Variants in CD58 observed in about 807,000 individuals in gnomAD.
CD58 encodes the protein CD58 molecule, also known as lymphocyte function-associated antigen 3.
A neutral mutation model predicts 27.6 loss-of-function variants in CD58; 14 were observed. The observed-to-expected ratio is 0.51, with a 90% CI of 0.34 to 0.79. CD58 has a LOEUF of 0.79. Ranked by LOEUF, CD58 falls within the 30% of genes least tolerant of loss-of-function variation. CD58 has a pLI of 0.02. For missense variants in CD58, 268 were observed against 301.7 expected (o/e 0.89, Z 0.83); for synonymous variants, 117 against 103.8 (o/e 1.13, Z -0.77).
intron 1 of CD58, among the ~76,000 whole-genome samples, chr1:116,551,046 G>A (rs1320197233): frequency 1.3e-5 from 2 of 152,140 alleles, no homozygotes; most frequent in African/African-American, 2.4e-5. Context: ...CATCCAGCCT[G>A]TTGTTCCATT....
chr1:116,539,669 C>T (rs945717196), intron 2 of CD58, among the ~76,000 whole-genome samples: 1 of 152,200 alleles, frequency 6.6e-6, no homozygotes, highest in African/African-American at 2.4e-5. Context: ...TGCCAGATGG[C>T]AAAGGTAGAA....
At chr1:116,520,150 A>C (rs151151010) in intron 4 of CD58, among the ~76,000 whole-genome samples, 1 of 152,282 alleles carries the variant, frequency 6.6e-6, no homozygotes, top group East Asian at 1.9e-4. Flanking sequence ...TTTTTGAGAC[A>C]GGGTCTCACT....
At position 116,550,226 on chromosome 1, in the gene CD58, A is replaced by G. The variant is rs1429445713; in HGVS notation, c.71-5622T>C. Among the ~76,000 whole-genome samples, 2 of 152,330 alleles carry G rather than the reference A, an allele frequency of 1.3e-5. No individual in the cohort carries two copies. Among genetic ancestry groups the G allele is most frequent in the East Asian group, 3.9e-4 (2 of 5,190 alleles). On this transcript the variant is annotated intron_variant, in intron 1 of 5. Transcript: ENST00000369489. This position sits in a 1 kb window ranked among gnomAD's most constrained non-coding sequence, Gnocchi z 4.2. ...ATCAATGGACCCTTCCTTTCACAAA[A>G]TATTTCTCAGAGGCATCCAATGCTG...
At chr1:116,555,589 G>T (rs1557842858) in intron 1 of CD58, among the ~76,000 whole-genome samples, 1 of 152,092 alleles carries the variant, frequency 6.6e-6, no homozygotes, top group Admixed American at 6.5e-5. Flanking sequence ...AGATATGAGG[G>T]TACCTAATAC....
Position 116,521,658 on chromosome 1 carries a change from C to A in CD58, c.706+248G>T. The A allele has an allele frequency of 2.9e-6, 1 of 346,946 alleles. No individual in the cohort carries two copies. The allele number at this position is 346,946 out of a possible 1,614,324, so 21.5% of individuals were successfully genotyped here. A position where few individuals can be genotyped will look rare whatever the true frequency, so the allele number is the denominator to read the frequency against. On this transcript the variant is annotated intron_variant, in intron 4 of 5. Transcript: ENST00000369489. This position sits in a 1 kb window ranked among gnomAD's most constrained non-coding sequence, Gnocchi z 5.6. Reference sequence around the variant, plus strand: ...TCACAGGTAAAAGGAGGCTATGCAACAGGTCCAGGCTGTGTTCCCAGGCCT... The same window carrying A: ...TCACAGGTAAAAGGAGGCTATGCAAAAGGTCCAGGCTGTGTTCCCAGGCCT...
At chr1:116,555,983 C>T (rs376525904) in intron 1 of CD58, among the ~76,000 whole-genome samples, 78 of 152,232 alleles carry the variant, frequency 5.1e-4, no homozygotes, top group African/African-American at 1.8e-3. Context: ...CCACTGGGAG[C>T]AGTGGCTCAT....
At position 116,532,046 on chromosome 1, in the gene CD58, C is replaced by T. The variant is rs1447866042; in HGVS notation, c.628+3919G>A. 2.6e-5 allele frequency among the ~76,000 whole-genome samples: 4 copies of T among 152,356 alleles called. No homozygotes were observed. The highest frequency in any genetic ancestry group is 1.3e-4 in the Admixed American group (2 of 15,306). ...TTGACGCTCATATGCTCAAATGAAA[C>T]GCAGGACTTCCCAGCCCAGCCCCTC... On this transcript the variant is annotated intron_variant, in intron 3 of 5. Coordinates refer to ENST00000369489, the MANE Select transcript of CD58 (RefSeq NM_001779.3). The surrounding 1 kb of genome is among the most constrained non-coding windows in gnomAD (Gnocchi z 5.1).
rs1658604288 is a variant in CD58 at position 116,557,569 on chromosome 1, C to G, written c.71-12965G>C. Among the ~76,000 whole-genome samples, 1 of 152,126 alleles carries G rather than the reference C, an allele frequency of 6.6e-6. No individual in the cohort carries two copies. Among genetic ancestry groups the G allele is most frequent in the South Asian group, 2.1e-4 (1 of 4,818 alleles). ...GCCCCAATCAAACTTAACAGCCTCG[C>G]TATGGTTTGAGGAGGTTCACTGATG... On this transcript the variant is annotated intron_variant, in intron 1 of 5. Coordinates refer to ENST00000369489, the MANE Select transcript of CD58 (RefSeq NM_001779.3). The surrounding 1 kb of genome is among the most constrained non-coding windows in gnomAD (Gnocchi z 5.2).
chr1:116,545,877 T>C (rs1658152001), intron 1 of CD58, among the ~76,000 whole-genome samples: 1 of 152,212 alleles, frequency 6.6e-6, no homozygotes, highest in South Asian at 2.1e-4. Context: ...GACTTGTCTC[T>C]TGTTAAGAGA....
In CD58 at chr1:116,517,132, T is replaced by C. The variant is rs1049786874; in HGVS notation, c.743+2099A>G. ...CTCCCCCATCCACTCAGAGTTCCCC[T>C]CCACTGTAACCACCTAGATCTCAGC... On this transcript the variant is annotated intron_variant, in intron 5 of 5. Transcript: ENST00000369489. The surrounding 1 kb of genome is among the most constrained non-coding windows in gnomAD (Gnocchi z 6.5). Among the ~76,000 whole-genome samples the C allele has an allele frequency of 2.0e-5, 3 of 150,842 alleles. No individual in the cohort carries two copies. Among genetic ancestry groups the C allele is most frequent in the Non-Finnish European group, 4.4e-5 (3 of 67,794 alleles).
chr1:116,561,601 C>A (rs1658754916), intron 1 of CD58, among the ~76,000 whole-genome samples: 1 of 152,072 alleles, frequency 6.6e-6, no homozygotes, highest in Non-Finnish European at 1.5e-5. Context: ...CTATATTTCC[C>A]ATGTTTTAGC....
At chr1:116,567,885 C>T (rs572748835) in intron 1 of CD58, among the ~76,000 whole-genome samples, 1 of 152,220 alleles carries the variant, frequency 6.6e-6, no homozygotes, top group African/African-American at 2.4e-5. Context: ...ACCACATCTT[C>T]CTGATGTGAC....
chr1:116,526,836 T>C (rs1333690804), intron 3 of CD58, among the ~76,000 whole-genome samples: 1 of 152,238 alleles, frequency 6.6e-6, no homozygotes, highest in Non-Finnish European at 1.5e-5. Context: ...TCTCTCCATT[T>C]ATTTAGTTCT....
chr1:116,548,441 T>C (rs570672140), intron 1 of CD58, among the ~76,000 whole-genome samples: 67 of 152,330 alleles, frequency 4.4e-4, no homozygotes, highest in African/African-American at 1.6e-3. Context: ...GTCTTAGATT[T>C]AAGTTTTTGA....
intron 1 of CD58, among the ~76,000 whole-genome samples, chr1:116,558,125 T>C (rs183559616): frequency 4.2e-5 from 6 of 142,146 alleles, no homozygotes. Context: ...CTGCAGATTT[T>C]AGCAGGTAAA....
intron 1 of CD58, among the ~76,000 whole-genome samples, chr1:116,547,529 C>G (rs899218402): frequency 6.6e-6 from 1 of 151,914 alleles, no homozygotes. Context: ...CGGGGTTTCA[C>G]CATGTTAGCC....
At chr1:116,558,656 A>G (rs1658659189) in intron 1 of CD58, among the ~76,000 whole-genome samples, 1 of 152,256 alleles carries the variant, frequency 6.6e-6, no homozygotes, top group South Asian at 2.1e-4. Flanking sequence ...AAAGAGGAGT[A>G]GCACTGTTTG....
chr1:116,561,211 C>G (rs55888098), intron 1 of CD58, among the ~76,000 whole-genome samples: 1,561 of 152,244 alleles, frequency 0.01, 23 homozygotes, highest in Admixed American at 0.022. Flanking sequence ...GGTTCTAAGA[C>G]TATTTTAAAA....
At chr1:116,530,452 G>A (rs959353061) in intron 3 of CD58, among the ~76,000 whole-genome samples, 5 of 152,154 alleles carry the variant, frequency 3.3e-5, no homozygotes, top group Non-Finnish European at 7.4e-5. Context: ...TGATCCACCC[G>A]CCTCAGCCTC....
Sources: gnomAD v4.1 joint callset for allele counts (sites outside exome capture counted in the v4.1 genomes callset) on GRCh38, gnomAD v4.1.1 for gene constraint, Gnocchi (gnomAD v3.1) non-coding constraint, MANE v1.5 for transcripts, NCBI Gene and HGNC (gene_info 2026-07-23, HGNC 2026-07-21) for gene names.